The following PRKCH variants were observed in gnomAD, a reference collection of about 807,000 sequenced individuals.
PRKCH encodes protein kinase C eta.
Under a neutral mutation model 82.5 loss-of-function variants are expected in PRKCH, and 28 were observed. The observed-to-expected ratio is 0.34, with a 90% CI of 0.25 to 0.47. PRKCH has a LOEUF of 0.47. Ranked by LOEUF, PRKCH falls within the 20% of genes least tolerant of loss-of-function variation. The pLI is 1.00. For missense variants in PRKCH, 705 were observed against 881.8 expected (o/e 0.80, Z 2.54); for synonymous variants, 322 against 327.4 (o/e 0.98, Z 0.18).
Position 61,263,883 on chromosome 14 carries a change from GTGTGTGTGTGTGTA to G in PRKCH, c.-19+76225_-19+76238del, listed in dbSNP as rs1180987991. On this transcript the variant is annotated intron_variant, in intron 1 of 3. Transcript: ENST00000555185. ...TGTGTGTGTGTGTGTGTGTGTGTGT[GTGTGTGTGTGTGTA>G]TGTGTGTGTACGCACGTGCATGTGC... Among the ~76,000 whole-genome samples the G allele has an allele frequency of 8.8e-4, 130 of 148,494 alleles. 1 individual carries two copies. Among genetic ancestry groups the G allele is most frequent in the African/African-American group, 3.1e-3 (123 of 39,828 alleles).
At chr14:61,358,977 T>G (rs2046188048) in intron 1 of PRKCH, among the ~76,000 whole-genome samples, 1 of 152,228 alleles carries the variant, frequency 6.6e-6, no homozygotes, top group African/African-American at 2.4e-5. Context: ...TAATCTTCCA[T>G]AGAGTCCTGT....
At chr14:61,351,619 G>A (rs1325271145) in intron 1 of PRKCH, among the ~76,000 whole-genome samples, 10 of 152,150 alleles carry the variant, frequency 6.6e-5, no homozygotes, top group Non-Finnish European at 2.9e-5. Context: ...GTGACGATTC[G>A]AGAGATTCTG....
In PRKCH at chr14:61,443,140, C is replaced by T; in HGVS notation, c.457C>T (p.His153Tyr). The change falls in exon 3 of 14, where the codon CAT (histidine) becomes TAT (tyrosine). Residue 153 changes from histidine to tyrosine, a missense_variant. Around this residue, in one of 5 missense-constraint regions of PRKCH, gnomAD observed 246 missense variants for 308.0 expected, o/e 0.80. Transcript: ENST00000332981. ...ATLQRDRIFK[H>Y]FTRKRQRAMR... ...TCTCCAGAGAGACCGGATCTTCAAA[C>T]ATTTTACCAGGAAGCGCCAAAGGGC... 6.2e-7 allele frequency: 1 copy of T among 1,614,026 alleles called. No homozygotes were observed. The highest frequency in any genetic ancestry group is 8.5e-7 in the Non-Finnish European group (1 of 1,179,926).
chr14:61,534,313 A>T (rs566432958), intron 12 of PRKCH, among the ~76,000 whole-genome samples: 1 of 152,342 alleles, frequency 6.6e-6, no homozygotes, highest in East Asian at 1.9e-4. Flanking sequence ...GAAGCAACCC[A>T]TGTGTCCATC....
At chr14:61,225,218 C>G (rs552500373) in intron 1 of PRKCH, among the ~76,000 whole-genome samples, 2 of 152,310 alleles carry the variant, frequency 1.3e-5, no homozygotes, top group East Asian at 3.9e-4. Context: ...TACATGCACA[C>G]AGGCTTAAAA....
At chr14:61,285,894 G>C (rs1485615261) in intron 1 of PRKCH, among the ~76,000 whole-genome samples, 3 of 152,176 alleles carry the variant, frequency 2.0e-5, no homozygotes, top group African/African-American at 7.2e-5. Context: ...TATTGTTGCA[G>C]ATCTTCTCTT....
chr14:61,320,696 G>T (rs899814150), upstream of PRKCH, among the ~76,000 whole-genome samples: 6 of 152,238 alleles, frequency 3.9e-5, no homozygotes, highest in Non-Finnish European at 7.3e-5. Flanking sequence ...TTGCGGCATA[G>T]CAGCGTAGGC....
intron 2 of PRKCH, among the ~76,000 whole-genome samples, chr14:61,417,515 T>C (rs1882624460): frequency 6.6e-6 from 1 of 152,254 alleles, no homozygotes; most frequent in African/African-American, 2.4e-5. Context: ...TGTGTCTCTT[T>C]TGACTAATCA....
intron 1 of PRKCH, among the ~76,000 whole-genome samples, chr14:61,336,152 C>A (rs1183462537): frequency 6.6e-6 from 1 of 152,180 alleles, no homozygotes; most frequent in Non-Finnish European, 1.5e-5. Context: ...CTCAGCACTT[C>A]AATATGAAGT....
In PRKCH at chr14:61,412,046, G is replaced by A. The variant is rs759888661; in HGVS notation, c.427+20758G>A. On this transcript the variant is annotated intron_variant, in intron 2 of 13. Coordinates refer to ENST00000332981, the MANE Select transcript of PRKCH (RefSeq NM_006255.5). ...CTAAAAAGCAAGATCTGATAGGGCC[G>A]AACTATTTCTGAGTAACTTAGCTGT... 6.6e-5 allele frequency among the ~76,000 whole-genome samples: 10 copies of A among 152,226 alleles called. No individual in the cohort carries two copies. In the South Asian group the frequency reaches 8.3e-4, roughly 13 times the overall value.
chr14:61,399,259 T>C (rs1262469765), intron 2 of PRKCH, among the ~76,000 whole-genome samples: 2 of 152,198 alleles, frequency 1.3e-5, no homozygotes, highest in African/African-American at 4.8e-5. Flanking sequence ...CATTAATAAG[T>C]TAAAAAGTAA....
intron 1 of PRKCH, 161 bp downstream of exon 1, chr14:61,322,625 C>T: frequency 1.0e-6 from 1 of 1,001,246 alleles, no homozygotes; most frequent in South Asian, 1.7e-5. Flanking sequence ...GGTGACGCGA[C>T]CGCGGTGGGT....
intron 7 of PRKCH, chr14:61,456,972 T>G: frequency 1.8e-6 from 1 of 550,328 alleles, no homozygotes; most frequent in East Asian, 3.1e-5. Context: ...AATTGACCTT[T>G]TACACAAAGC....
At chr14:61,346,433 A>G (rs1338709942) in intron 1 of PRKCH, among the ~76,000 whole-genome samples, 2 of 152,212 alleles carry the variant, frequency 1.3e-5, no homozygotes, top group East Asian at 3.8e-4. Context: ...AACTTGAGAT[A>G]GTGTGTCATT....
intron 1 of PRKCH, among the ~76,000 whole-genome samples, chr14:61,313,227 A>G (rs898702922): frequency 3.9e-5 from 6 of 152,214 alleles, no homozygotes; most frequent in Non-Finnish European, 8.8e-5. Flanking sequence ...GGTTTCTTAC[A>G]CAAGCCATAC....
At chr14:61,221,821 C>CT (rs770649269) in intron 1 of PRKCH, among the ~76,000 whole-genome samples, 3 of 152,164 alleles carry the variant, frequency 2.0e-5, no homozygotes, top group Non-Finnish European at 4.4e-5. Flanking sequence ...CCTGCTGCAG[C>CT]TTTGTCAGAT....
chr14:61,316,153 T>C (rs1261296325), intron 1 of PRKCH, among the ~76,000 whole-genome samples: 1 of 152,246 alleles, frequency 6.6e-6, no homozygotes, highest in African/African-American at 2.4e-5. Flanking sequence ...CCAATATGGC[T>C]GAACTGGTTC....
intron 1 of PRKCH, among the ~76,000 whole-genome samples, chr14:61,371,881 T>C (rs2046368012): frequency 1.3e-5 from 2 of 152,016 alleles, no homozygotes; most frequent in African/African-American, 4.8e-5. Context: ...CTTGGGAGAT[T>C]TGTCTATTCT....
intron 1 of PRKCH, among the ~76,000 whole-genome samples, chr14:61,205,695 C>G (rs576741512): frequency 3.5e-4 from 54 of 152,278 alleles, no homozygotes; most frequent in African/African-American, 1.3e-3. Flanking sequence ...TGGTTCGGCC[C>G]TTGCACAGGA....
Sources: allele counts gnomAD v4.1 joint callset (sites outside exome capture counted in the v4.1 genomes callset), GRCh38; gene constraint gnomAD v4.1.1; regional missense constraint gnomAD v4.1.1; transcripts MANE v1.5; gene names NCBI Gene and HGNC (gene_info 2026-07-23, HGNC 2026-07-21).